The following MROH1 variants were observed in gnomAD, a reference collection of about 807,000 sequenced individuals.
The protein encoded by MROH1 is maestro heat-like repeat-containing protein family member 1.
In MROH1, 117 loss-of-function variants were observed where a neutral mutation model predicts 116.5. The ratio of observed to expected loss-of-function variants is 1.00; its 90% confidence interval spans 0.86 to 1.17. The LOEUF is 1.17. MROH1 is among the 50% of genes most tolerant of loss of function. The pLI is 0.00. For missense variants in MROH1, 1,873 were observed against 1,338.5 expected (o/e 1.40, Z -6.23); for synonymous variants, 921 against 583.9 (o/e 1.58, Z -8.32).
chr8:144,164,091 T>C (rs1319794625), intron 3 of MROH1, among the ~76,000 whole-genome samples: 1 of 151,028 alleles, frequency 6.6e-6, no homozygotes, highest in Admixed American at 6.6e-5. Context: ...AGGTTTGTTT[T>C]ACTTTTTTTT....
chr8:144,209,519 C>T (rs2132070790), intron 12 of MROH1, among the ~76,000 whole-genome samples: 1 of 147,940 alleles, frequency 6.8e-6, no homozygotes, highest in East Asian at 2.0e-4. Flanking sequence ...GCAGAGCTTG[C>T]AGTGAGCTGA....
chr8:144,258,419 CCCGGGGT>C (rs1844327979), intron 35 of MROH1, among the ~76,000 whole-genome samples: 1 of 152,190 alleles, frequency 6.6e-6, no homozygotes, highest in Non-Finnish European at 1.5e-5. Context: ...CAGGAACAGG[CCCGGGGT>C]GGGGGGCACC....
rs1554836077 is a variant in MROH1 at position 144,261,726 on chromosome 8, G to A, written c.4912G>A (p.Val1638Met). Residue 1638 changes from valine (V) to methionine (M), a missense_variant, in exon 44 of 44, where the codon GTG becomes ATG. Physicochemically the swap from Val to Met is conservative, Grantham distance 21. Coordinates refer to ENST00000326134, the MANE Select transcript of MROH1 (RefSeq NM_032450.3). The part of the protein sequence containing the change: ...TRAAEALGRL[V>M]KLA ...GGCTGCTGAGGCCCTGGGCCGCCTG[G>A]TGAAGCTCGCCTAAGGCTCCGGCCA... The A allele has an allele frequency of 4.2e-6, 3 of 717,428 alleles. No individual in the cohort carries two copies. In the Admixed American group the frequency reaches 5.7e-5, roughly 14 times the overall value. 44.4% of individuals were successfully genotyped at this position (717,428 alleles called of 1,614,324 possible). A position where few individuals can be genotyped will look rare whatever the true frequency, so the allele number is the denominator to read the frequency against.
chr8:144,248,273 C>T (rs1842241138), intron 31 of MROH1, among the ~76,000 whole-genome samples: 1 of 152,124 alleles, frequency 6.6e-6, no homozygotes, highest in Non-Finnish European at 1.5e-5. Context: ...ACAACACAAG[C>T]TTGAGTATTA....
intron 8 of MROH1, among the ~76,000 whole-genome samples, 167 bp downstream of exon 8, chr8:144,191,102 C>G (rs975364873): frequency 6.6e-6 from 1 of 152,148 alleles, no homozygotes; most frequent in African/African-American, 2.4e-5. Flanking sequence ...CAGAGTCTCA[C>G]TCTGTCACCC....
At chr8:144,188,964 C>T (rs1827892560) in intron 7 of MROH1, among the ~76,000 whole-genome samples, 1 of 152,150 alleles carries the variant, frequency 6.6e-6, no homozygotes, top group Non-Finnish European at 1.5e-5. Flanking sequence ...AAGAAAAGGC[C>T]AGAACCACAC....
intron 37 of MROH1, among the ~76,000 whole-genome samples, chr8:144,259,562 C>T (rs1305488755): frequency 3.9e-5 from 6 of 152,202 alleles, no homozygotes; most frequent in Admixed American, 1.3e-4. Context: ...AGAGGAGGAC[C>T]GAGGCTCCCT....
chr8:144,209,027 TTGTGTGTGTGTGTGTGTGTGTGTGTGTG>T lies in MROH1; in HGVS notation c.1141+8506_1141+8533del, dbSNP rs71320812. ...GCATGAGCCAATGCACTCGGCCATTTTGTGTGTGTGTGTGTGTGTGTGTGTGTGTGTGTGTGTGTGTGTGTGTTTAGTG... is the reference window on the plus strand; with the variant it reads ...GCATGAGCCAATGCACTCGGCCATTTTGTGTGTGTGTGTGTGTGTTTAGTG... On this transcript the variant is annotated intron_variant, in intron 12 of 43. Transcript: ENST00000326134. Among the ~76,000 whole-genome samples the T allele has an allele frequency of 6.3e-5, 9 of 141,744 alleles. No homozygotes were observed. The South Asian group carries it at 1.2e-3, about 18-fold the overall frequency. The allele number at this position is 141,744 out of a possible 152,430, so 93.0% of individuals were successfully genotyped here.
chr8:144,157,452 A>T (rs1051160652), intron 1 of MROH1, among the ~76,000 whole-genome samples: 1,668 of 152,062 alleles, frequency 0.011, 16 homozygotes, highest in Admixed American at 0.021. Context: ...TTTCTTTTTA[A>T]TTTTTTCAGG....
In MROH1 at chr8:144,254,803, T is replaced by C; in HGVS notation, c.3429-10T>C. 1 of 775,336 alleles carries C rather than the reference T, an allele frequency of 1.3e-6. No individual in the cohort carries two copies. The highest frequency in any genetic ancestry group is 1.3e-5 in the South Asian group (1 of 74,472). 48.0% of individuals were successfully genotyped at this position (775,336 alleles called of 1,614,324 possible). A position where few individuals can be genotyped will look rare whatever the true frequency, so the allele number is the denominator to read the frequency against. On this transcript the variant is annotated splice_polypyrimidine_tract_variant and intron_variant, in intron 33 of 43. Transcript: ENST00000326134. ...CACGGCCTCAAAGTGACTCTCCTGC[T>C]CTGCTCCAGCCACACCTGCATGCTG... is the stretch of plus-strand genomic sequence containing the variant.
chr8:144,222,695 T>C (rs2132426383), intron 13 of MROH1, among the ~76,000 whole-genome samples: 1 of 152,136 alleles, frequency 6.6e-6, no homozygotes, highest in African/African-American at 2.4e-5. Context: ...TGGATGTGGG[T>C]GCAGGTAGGT....
At chr8:144,199,086 C>G in intron 10 of MROH1, 36 bp from the exon 11 acceptor site, 1 of 1,600,968 alleles carries the variant, frequency 6.2e-7, no homozygotes. Flanking sequence ...CTTCTGGCCT[C>G]TCTGGTCTAT....
chr8:144,175,410 C>T (rs1160249725), intron 4 of MROH1: 1 of 825,240 alleles, frequency 1.2e-6, no homozygotes, highest in Admixed American at 6.2e-5. Context: ...TGTACCCAAG[C>T]TGCTGCTCCC....
Position 144,180,487 on chromosome 8 carries a change from G to T in MROH1, c.526G>T (p.Ala176Ser). 6.2e-7 allele frequency: 1 copy of T among 1,612,010 alleles called. No individual in the cohort carries two copies. The highest frequency in any genetic ancestry group is 8.5e-7 in the Non-Finnish European group (1 of 1,179,794). ...CTCCCTGCTGCCCGTGCTGGGCGTG[G>T]CCAAGCAGGACACGGTGCGCGTGGC... Reference protein sequence around the residue: ...LSSLLPVLGVAKQDTVRVAFC... With the variant: ...LSSLLPVLGVSKQDTVRVAFC... The change falls in exon 7 of 44, where the codon GCC becomes TCC. Residue 176 changes from alanine to serine, a missense_variant. Coordinates refer to ENST00000326134, the MANE Select transcript of MROH1 (RefSeq NM_032450.3). The surrounding 1 kb of genome is among the most constrained non-coding windows in gnomAD (Gnocchi z 7.4).
At chr8:144,160,881 C>G (rs180782371) in intron 1 of MROH1, 89 bp from the exon 2 acceptor site, 2 of 152,660 alleles carry the variant, frequency 1.3e-5, no homozygotes, top group African/African-American at 4.8e-5. Flanking sequence ...ACCCAGGCGC[C>G]GGGGGCTGCT....
rs895712757 is a variant in MROH1, at chr8:144,180,968, A to C, written c.562+445A>C. 6.6e-6 allele frequency among the ~76,000 whole-genome samples: 1 copy of C among 152,054 alleles called. No individual in the cohort carries two copies. The highest frequency in any genetic ancestry group is 1.5e-5 in the Non-Finnish European group (1 of 68,000). On this transcript the variant is annotated intron_variant, in intron 7 of 43. Coordinates refer to ENST00000326134, the MANE Select transcript of MROH1 (RefSeq NM_032450.3). The surrounding 1 kb of genome is among the most constrained non-coding windows in gnomAD (Gnocchi z 7.4). ...GCCCACAGCCCTCTGTGTGCCTGGC[A>C]GGGGACTGCGGGCATGTCATGGGCC...
Position 144,180,186 on chromosome 8 carries a change from C to A in MROH1, c.309C>A (p.Val103=). Residue 103 remains valine, a synonymous_variant, in exon 6 of 44, where the codon GTC becomes GTA. Coordinates refer to ENST00000326134, the MANE Select transcript of MROH1 (RefSeq NM_032450.3). The surrounding 1 kb of genome is among the most constrained non-coding windows in gnomAD (Gnocchi z 7.4). ...SSEMTKTKDL[V]WDWQQAASGV... is the part of the protein sequence containing the mutation. ...CGGTGTTTTGGGTTCAGGACCTGGT[C>A]TGGGACTGGCAGCAGGCGGCGAGTG... The A allele has an allele frequency of 6.2e-7, 1 of 1,613,884 alleles. No individual in the cohort carries two copies. Among genetic ancestry groups the A allele is most frequent in the Non-Finnish European group, 8.5e-7 (1 of 1,179,826 alleles).
At chr8:144,190,665 T>C (rs1828338163) in intron 7 of MROH1, 119 bp from the exon 8 acceptor site, 1 of 1,240,240 alleles carries the variant, frequency 8.1e-7, no homozygotes, top group Non-Finnish European at 1.1e-6. Flanking sequence ...TGGCTGGTGT[T>C]CTAGGGAGGG....
chr8:144,242,964 G>A (rs887942059), intron 24 of MROH1, among the ~76,000 whole-genome samples: 19 of 148,686 alleles, frequency 1.3e-4, no homozygotes, highest in South Asian at 4.6e-4. Context: ...GTACCTCCCC[G>A]GACCCCAGTG....
Sources: allele counts gnomAD v4.1 joint callset (sites outside exome capture counted in the v4.1 genomes callset), GRCh38; gene constraint gnomAD v4.1.1; non-coding constraint Gnocchi (gnomAD v3.1); transcripts MANE v1.5; gene names NCBI Gene and HGNC (gene_info 2026-07-23, HGNC 2026-07-21).